The following NBEA variants were observed in gnomAD, a reference collection of about 807,000 sequenced individuals.
NBEA encodes the protein neurobeachin, also known as lysosomal-trafficking regulator 2.
NBEA carries 44 observed loss-of-function variants against 343.4 expected under a neutral mutation model. The observed-to-expected ratio is 0.13, with a 90% CI of 0.10 to 0.16. The LOEUF is 0.16. NBEA is among the 10% of genes least tolerant of loss of function. The probability of loss-of-function intolerance (pLI) is 1.00; values close to 1 mark genes in which losing one functional copy is unlikely to be tolerated. For missense variants in NBEA, 2,555 were observed against 3,631.3 expected, an observed-to-expected ratio of 0.70 and a Z score of 7.62; for synonymous variants, 1,175 against 1,238.7, an observed-to-expected ratio of 0.95 and a Z score of 1.08.
intron 38 of NBEA, among the ~76,000 whole-genome samples, chr13:35,411,356 G>T (rs1246835452): frequency 5.9e-5 from 9 of 152,078 alleles, no homozygotes; most frequent in Non-Finnish European, 1.2e-4. Context: ...TGTCCAATTG[G>T]TCCTCTTCAA....
chr13:35,642,937 C>T (rs145405669), intron 49 of NBEA, among the ~76,000 whole-genome samples: 4 of 150,848 alleles, frequency 2.7e-5, no homozygotes, highest in Non-Finnish European at 4.4e-5. Context: ...GTAGTAGGTA[C>T]TCAACAAATA....
At chr13:35,124,767 T>C (rs1367012802) in intron 17 of NBEA, among the ~76,000 whole-genome samples, 7 of 150,012 alleles carry the variant, frequency 4.7e-5, no homozygotes, top group Admixed American at 2.7e-4. Flanking sequence ...TGGATATATA[T>C]ACACACATAT....
chr13:34,955,586 G>A (rs906326102), intron 1 of NBEA, among the ~76,000 whole-genome samples: 1 of 152,060 alleles, frequency 6.6e-6, no homozygotes, highest in East Asian at 1.9e-4. Flanking sequence ...TCCACAAAGG[G>A]ATAGCTTGCA....
In NBEA at chr13:34,962,951, T is replaced by A. The variant is rs78542622; in HGVS notation, c.294+19837T>A. The stretch of plus-strand genomic sequence containing the variant: ...ACTAGAACTCCAGAATGCTGGTGCT[T>A]GATAAGATTTTAAAGATTATTTAGT... On this transcript the variant is annotated intron_variant, in intron 1 of 58. Transcript: ENST00000379939. Among the ~76,000 whole-genome samples the A allele has an allele frequency of 7.5e-3, 1,141 of 152,134 alleles. 13 individuals are homozygous for A. Among genetic ancestry groups the A allele is most frequent in the African/African-American group, 0.026 (1,080 of 41,522 alleles).
intron 38 of NBEA, among the ~76,000 whole-genome samples, chr13:35,385,051 A>G (rs2042180266): frequency 6.6e-6 from 1 of 152,172 alleles, no homozygotes; most frequent in South Asian, 2.1e-4. Context: ...TAAACACTGC[A>G]TTTATAGTAT....
chr13:35,538,750 C>T (rs2078672710), intron 41 of NBEA, among the ~76,000 whole-genome samples: 1 of 152,224 alleles, frequency 6.6e-6, no homozygotes, highest in African/African-American at 2.4e-5. Context: ...GTGGAATTTT[C>T]TACCTGTGGC....
chr13:35,652,706 T>A (rs1205119230), intron 53 of NBEA, among the ~76,000 whole-genome samples: 6 of 125,654 alleles, frequency 4.8e-5, no homozygotes, highest in Non-Finnish European at 1.0e-4. Flanking sequence ...TTTTTTTTTT[T>A]TTTTTTGAGG....
At chr13:35,543,543 AG>A (rs746088247) in intron 41 of NBEA, among the ~76,000 whole-genome samples, 239 of 152,274 alleles carry the variant, frequency 1.6e-3, no homozygotes, top group Middle Eastern at 3.4e-3. Flanking sequence ...TTTTCAGTCC[AG>A]TCACTGGGAA....
intron 34 of NBEA, among the ~76,000 whole-genome samples, chr13:35,288,356 C>T (rs3920813): frequency 0.37 from 56,015 of 151,536 alleles, 13,327 homozygotes; most frequent in African/African-American, 0.68. Flanking sequence ...ACGTTTAGTT[C>T]TTCTTTTGCT....
chr13:35,236,326 A>G (rs928407440), intron 34 of NBEA, among the ~76,000 whole-genome samples: 3 of 152,264 alleles, frequency 2.0e-5, no homozygotes, highest in Non-Finnish European at 4.4e-5. Flanking sequence ...CTATAAAAAA[A>G]CATTTCTTAA....
chr13:35,525,130 A>G (rs926555291), intron 41 of NBEA, among the ~76,000 whole-genome samples: 5 of 152,264 alleles, frequency 3.3e-5, no homozygotes, highest in African/African-American at 1.2e-4. Flanking sequence ...GTCAAAGGAT[A>G]TTAAATGTAG....
At chr13:35,385,737 G>T (rs2042216177) in intron 38 of NBEA, among the ~76,000 whole-genome samples, 1 of 152,046 alleles carries the variant, frequency 6.6e-6, no homozygotes, top group Admixed American at 6.6e-5. Context: ...AATAAAACAT[G>T]TTAACTGGAA....
chr13:35,110,914 C>T lies in NBEA; in HGVS notation c.1938C>T (p.Thr646=). 6.2e-7 allele frequency: 1 copy of T among 1,612,406 alleles called. No homozygotes were observed. Among genetic ancestry groups the T allele is most frequent in the South Asian group, 1.1e-5 (1 of 91,038 alleles). Reference sequence around the variant, plus strand: ...GAACAGTATTACAGCTAATGCACACCTTAAAATATTACTACTGGGTTATTA... The same window carrying T: ...GAACAGTATTACAGCTAATGCACACTTTAAAATATTACTACTGGGTTATTA... ...RVGTVLQLMH[T]LKYYYWVINP... Residue 646 remains threonine, a synonymous_variant, in exon 13 of 59, where the codon ACC becomes ACT. Transcript: ENST00000379939.
chr13:34,957,729 C>G (rs117511878), intron 1 of NBEA, among the ~76,000 whole-genome samples: 1 of 152,030 alleles, frequency 6.6e-6, no homozygotes, highest in Non-Finnish European at 1.5e-5. Context: ...TCTGAAGATA[C>G]GTGTTTTCGC....
intron 35 of NBEA, among the ~76,000 whole-genome samples, chr13:35,305,790 A>T (rs1156580452): frequency 6.6e-6 from 1 of 152,210 alleles, no homozygotes; most frequent in Non-Finnish European, 1.5e-5. Context: ...CCTGTTTGAT[A>T]TATTTTCTCA....
At chr13:35,452,528 A>G (rs1267848292) in intron 40 of NBEA, among the ~76,000 whole-genome samples, 9 of 152,246 alleles carry the variant, frequency 5.9e-5, no homozygotes, top group Non-Finnish European at 8.8e-5. Flanking sequence ...GGCCTATATT[A>G]TAATTGGGAG....
chr13:35,558,884 A>T (rs541739856), intron 44 of NBEA, among the ~76,000 whole-genome samples: 1 of 152,348 alleles, frequency 6.6e-6, no homozygotes, highest in Non-Finnish European at 1.5e-5. Context: ...AATATGAAAT[A>T]GTCTACTCGA....
At chr13:35,603,840 T>C (rs941920000) in intron 47 of NBEA, among the ~76,000 whole-genome samples, 3 of 152,236 alleles carry the variant, frequency 2.0e-5, no homozygotes, top group Non-Finnish European at 4.4e-5. Flanking sequence ...ATTGCTATTG[T>C]GTCACATGAA....
intron 33 of NBEA, among the ~76,000 whole-genome samples, chr13:35,215,439 GT>G (rs2074013133): frequency 6.6e-6 from 1 of 151,520 alleles, no homozygotes. Flanking sequence ...CCAATTGGGA[GT>G]TAGAAGCCAG....
Sources: allele counts gnomAD v4.1 joint callset (sites outside exome capture counted in the v4.1 genomes callset), GRCh38; gene constraint gnomAD v4.1.1; transcripts MANE v1.5; gene names NCBI Gene and HGNC (gene_info 2026-07-23, HGNC 2026-07-21).